ITIH5: variants seen among roughly 807,000 people sequenced by gnomAD.
The protein encoded by ITIH5 is inter-alpha-trypsin inhibitor heavy chain H5.
In ITIH5, 65 loss-of-function variants were observed where a neutral mutation model predicts 77.5. That is an observed-to-expected ratio of 0.84 (90% CI 0.69 to 1.03). The LOEUF (loss-of-function observed/expected upper bound fraction) is 1.03. Among genes scored for constraint, ITIH5 ranks in the 50% least tolerant of loss-of-function variants. The probability of loss-of-function intolerance (pLI) is 0.00; values close to 1 mark genes in which losing one functional copy is unlikely to be tolerated. For synonymous variants in ITIH5, 525 were observed against 494.3 expected (o/e 1.06, Z -0.82); for missense variants, 1,208 against 1,213.1 (o/e 1.00, Z 0.06).
chr10:7,559,954 C>G lies in ITIH5; in HGVS notation c.*3129G>C. On this transcript the variant is annotated 3_prime_UTR_variant, in exon 14 of 14. Coordinates refer to ENST00000397146, the MANE Select transcript of ITIH5 (RefSeq NM_030569.7). ...ACAAGTTCCGACTGCCTGGTTCAAGCGATTCTCCTGCCTCAGCCTCCCAAG... is the reference window on the plus strand; with the variant it reads ...ACAAGTTCCGACTGCCTGGTTCAAGGGATTCTCCTGCCTCAGCCTCCCAAG... 4.8e-6 allele frequency: 2 copies of G among 420,694 alleles called. No homozygotes were observed. Among genetic ancestry groups the G allele is most frequent in the South Asian group, 1.8e-5 (1 of 56,912 alleles). The allele number at this position is 420,694 out of a possible 1,614,324, so 26.1% of individuals were successfully genotyped here.
rs369576415 is a variant in ITIH5, at chr10:7,629,302, T to C, written c.652+7926A>G. ...GCGTGTGTCCCTGTTGTAGCGTGTG[T>C]CCATGTTGTAGCGTGTGCCCATGTT... On this transcript the variant is annotated intron_variant, in intron 5 of 13. Transcript: ENST00000397146. Among the ~76,000 whole-genome samples the C allele has an allele frequency of 5.0e-3, 479 of 96,716 alleles. 10 individuals carry two copies. Among genetic ancestry groups the C allele is most frequent in the African/African-American group, 0.02 (334 of 16,584 alleles). The allele number at this position is 96,716 out of a possible 152,430, so 63.4% of individuals were successfully genotyped here. A position where few individuals can be genotyped will look rare whatever the true frequency, so the allele number is the denominator to read the frequency against.
At chr10:7,577,272 T>C (rs1275985860) in intron 9 of ITIH5, among the ~76,000 whole-genome samples, 1 of 152,166 alleles carries the variant, frequency 6.6e-6, no homozygotes, top group Non-Finnish European at 1.5e-5. Flanking sequence ...AAAAACCTGC[T>C]TATAGTAGAT....
chr10:7,591,929 G>A (rs575961548), intron 7 of ITIH5, among the ~76,000 whole-genome samples: 2 of 152,228 alleles, frequency 1.3e-5, no homozygotes, highest in African/African-American at 4.8e-5. Flanking sequence ...GGAGTGCAGT[G>A]GTGCTATCTT....
chr10:7,608,947 CCTT>C (rs540512193), intron 7 of ITIH5, among the ~76,000 whole-genome samples: 1 of 152,160 alleles, frequency 6.6e-6, no homozygotes, highest in African/African-American at 2.4e-5. Flanking sequence ...AGTGCACTGT[CCTT>C]CACGTTACTT....
intron 10 of ITIH5, 24 bp from the exon 11 acceptor site, chr10:7,573,219 A>T: frequency 6.3e-7 from 1 of 1,596,414 alleles, no homozygotes; most frequent in African/African-American, 1.3e-5. Flanking sequence ...GGAAGAGAAC[A>T]TCATGGTCAT....
intron 9 of ITIH5, among the ~76,000 whole-genome samples, chr10:7,579,246 C>T (rs1011597352): frequency 3.9e-5 from 6 of 152,188 alleles, no homozygotes; most frequent in Non-Finnish European, 7.3e-5. Flanking sequence ...TTGCTTAGGG[C>T]CGGGTGTGGT....
intron 2 of ITIH5, among the ~76,000 whole-genome samples, chr10:7,649,239 T>C (rs1037223368): frequency 6.6e-6 from 1 of 152,052 alleles, no homozygotes; most frequent in Non-Finnish European, 1.5e-5. Flanking sequence ...TCTTCCTTCT[T>C]TCTTCTTCCT....
chr10:7,597,995 T>C (rs924761798), intron 7 of ITIH5, among the ~76,000 whole-genome samples: 3 of 152,120 alleles, frequency 2.0e-5, no homozygotes, highest in African/African-American at 4.8e-5. Context: ...GTCCATATCA[T>C]TGTTGTACTT....
Position 7,644,883 on chromosome 10 carries a change from ATC to A in ITIH5, c.136-2795_136-2794del, listed in dbSNP as rs1491151817. Among the ~76,000 whole-genome samples the A allele has an allele frequency of 3.2e-3, 377 of 119,504 alleles. 26 individuals carry two copies. Among genetic ancestry groups the A allele is most frequent in the African/African-American group, 1.0e-2 (311 of 31,204 alleles). The allele number at this position is 119,504 out of a possible 152,430, so 78.4% of individuals were successfully genotyped here. On this transcript the variant is annotated intron_variant, in intron 2 of 13. Transcript: ENST00000397146. ...TATCACATATATATCACATATATAT[ATC>A]ACATATATATATCACATATATATAT...
intron 1 of ITIH5, among the ~76,000 whole-genome samples, chr10:7,659,398 A>T (rs1036207350): frequency 6.6e-6 from 1 of 152,026 alleles, no homozygotes. Context: ...TAAAAATTAA[A>T]AGTAAATTAA....
chr10:7,584,394 C>T (rs1244250607), intron 8 of ITIH5, among the ~76,000 whole-genome samples: 1 of 151,394 alleles, frequency 6.6e-6, no homozygotes, highest in Non-Finnish European at 1.5e-5. Flanking sequence ...ACCTCTGCCT[C>T]CCAGGTTCAA....
At chr10:7,660,964 C>T (rs1834267252) in intron 1 of ITIH5, among the ~76,000 whole-genome samples, 1 of 152,240 alleles carries the variant, frequency 6.6e-6, no homozygotes, top group Non-Finnish European at 1.5e-5. Flanking sequence ...CATTAGGAAT[C>T]GGGCCACACA....
At position 7,625,115 on chromosome 10, in the gene ITIH5, G is replaced by A. The variant is rs553426162; in HGVS notation, c.653-7833C>T. 2.6e-5 allele frequency among the ~76,000 whole-genome samples: 4 copies of A among 151,842 alleles called. No homozygotes were observed. In the East Asian group the frequency reaches 7.9e-4, roughly 30 times the overall value. On this transcript the variant is annotated intron_variant, in intron 5 of 13. Transcript: ENST00000397146. The stretch of plus-strand genomic sequence containing the variant: ...GCAGGCAGAGCAGGGGCTAATAACC[G>A]AGAAAAGCAGAGTGGCACTTGGTGC...
At chr10:7,637,529 C>A (rs11255260) in intron 4 of ITIH5, 51 bp from the exon 5 acceptor site, 1 of 1,579,702 alleles carries the variant, frequency 6.3e-7, no homozygotes. Context: ...GAGGATAGAG[C>A]CAGGTTCCCT....
At chr10:7,595,346 A>AC (rs57996663) in intron 7 of ITIH5, among the ~76,000 whole-genome samples, 109,338 of 152,054 alleles carry the variant, frequency 0.72, 40,941 homozygotes, top group East Asian at 0.98. Flanking sequence ...GAAAGAATAT[A>AC]TTTCTTACTA....
chr10:7,576,457 C>T lies in ITIH5; in HGVS notation c.1974G>A (p.Gln658=), dbSNP rs369753513. Residue 658 remains glutamine (Q), a synonymous_variant, in exon 10 of 14, where the codon CAG becomes CAA. Transcript: ENST00000397146. The part of the protein sequence containing the change: ...VVQSVRGAGT[Q]PGPLLKKPYQ... ...GCTGGCACAGGTGCCTCGTACCTGG[C>T]TGCGTGCCAGCTCCTCGCACGCTCT... 27 of 1,583,142 alleles carry T rather than the reference C, an allele frequency of 1.7e-5. No individual in the cohort carries two copies. The highest frequency in any genetic ancestry group is 2.3e-5 in the Non-Finnish European group (27 of 1,167,108).
At position 7,579,987 on chromosome 10, in the gene ITIH5, G is replaced by A. The variant is rs185691581; in HGVS notation, c.1186C>T (p.Arg396Trp). Residue 396 changes from arginine to tryptophan, a missense_variant, in exon 9 of 14, where the codon CGG becomes TGG. Transcript: ENST00000397146. ...KYVAHSGIGD[R>W]SVSLIVFLTD... ...AGGAAGACGATGAGGGACACGCTCC[G>A]GTCTCCAATGCCACTGTGGGCCACG... 81 of 1,613,950 alleles carry A rather than the reference G, an allele frequency of 5.0e-5. No homozygotes were observed. Among genetic ancestry groups the A allele is most frequent in the Admixed American group, 2.2e-4 (13 of 59,988 alleles).
intron 7 of ITIH5, among the ~76,000 whole-genome samples, chr10:7,593,403 C>T: frequency 8.3e-6 from 1 of 120,692 alleles, no homozygotes. Flanking sequence ...CCACTCACCC[C>T]TGCAGCCTGC....
chr10:7,576,718 G>C lies in ITIH5; in HGVS notation c.1713C>G (p.Asn571Lys), dbSNP rs370440040. Residue 571 changes from asparagine to lysine, a missense_variant, in exon 10 of 14, where the codon AAC becomes AAG. Asn to Lys is a moderately conservative substitution (Grantham distance 94, BLOSUM62 0). Coordinates refer to ENST00000397146, the MANE Select transcript of ITIH5 (RefSeq NM_030569.7). ...GGTAGCTCCAGAGACGCTCGATGTG[G>C]TTGGTGTCCCCCTCTCCATCGCCTC... ...RPGGDGEGDT[N>K]HIERLWSYLT... The C allele has an allele frequency of 6.2e-7, 1 of 1,613,954 alleles. No homozygotes were observed. The highest frequency in any genetic ancestry group is 1.3e-5 in the African/African-American group (1 of 74,888).
Sources: gnomAD v4.1 joint callset for allele counts (sites outside exome capture counted in the v4.1 genomes callset) on GRCh38, gnomAD v4.1.1 for gene constraint, MANE v1.5 for transcripts, NCBI Gene and HGNC (gene_info 2026-07-23, HGNC 2026-07-21) for gene names.